Variants in PDE3B observed in about 807,000 individuals in gnomAD.
PDE3B encodes the protein phosphodiesterase 3B, also known as cGMP-inhibited 3',5'-cyclic phosphodiesterase 3B.
PDE3B carries 66 observed loss-of-function variants against 116.8 expected under a neutral mutation model. The ratio of observed to expected loss-of-function variants is 0.56; its 90% CI spans 0.46 to 0.69. PDE3B has a LOEUF of 0.69. PDE3B is among the 30% of genes least tolerant of loss of function. PDE3B has a pLI of 0.00. For missense variants in PDE3B, 1,384 were observed against 1,368.1 expected (o/e 1.01, Z -0.18); for synonymous variants, 595 against 533.6 (o/e 1.12, Z -1.59).
chr11:14,690,850 T>A (rs1267966245), intron 1 of PDE3B, among the ~76,000 whole-genome samples: 1 of 152,186 alleles, frequency 6.6e-6, no homozygotes, highest in Non-Finnish European at 1.5e-5. Context: ...GTGGAGGTTG[T>A]GTACTTTTTA....
chr11:14,678,292 T>C, intron 1 of PDE3B, among the ~76,000 whole-genome samples: 1 of 152,188 alleles, frequency 6.6e-6, no homozygotes, highest in Middle Eastern at 3.2e-3. Context: ...GGAATAGAAC[T>C]GCTGTAAACA....
At chr11:14,880,621 T>C in the PDE3B span, 4 of 1,608,446 alleles carry the variant, frequency 2.5e-6, no homozygotes, top group East Asian at 8.9e-5. Flanking sequence ...TCTACCTTTG[T>C]ATGTTTCAAT....
chr11:14,847,902 C>G (rs1847647286), intron 12 of PDE3B, among the ~76,000 whole-genome samples: 1 of 152,060 alleles, frequency 6.6e-6, no homozygotes, highest in Non-Finnish European at 1.5e-5. Context: ...CGAATTCTAC[C>G]AGAGGTACAA....
chr11:14,799,700 T>A (rs1341657254), intron 4 of PDE3B, among the ~76,000 whole-genome samples: 1 of 152,096 alleles, frequency 6.6e-6, no homozygotes, highest in East Asian at 1.9e-4. Context: ...CTTTGTCTCT[T>A]TTAATCTTTG....
At chr11:14,886,759 T>G in the PDE3B span, 13 of 152,408 alleles carry the variant, frequency 8.5e-5, no homozygotes, top group East Asian at 2.5e-3. Flanking sequence ...GCCAAAATAC[T>G]GAGACAAGCC....
chr11:14,687,940 T>C (rs1448611398), intron 1 of PDE3B, among the ~76,000 whole-genome samples: 1 of 152,182 alleles, frequency 6.6e-6, no homozygotes, highest in Non-Finnish European at 1.5e-5. Context: ...TTTCATTATA[T>C]AGATTCAGAA....
rs1555008863 is a variant in PDE3B at position 14,870,378 on chromosome 11, T to A, written c.*718T>A. On this transcript the variant is annotated 3_prime_UTR_variant, in exon 16 of 16. Transcript: ENST00000282096. The surrounding 1 kb of genome is among the most constrained non-coding windows in gnomAD (Gnocchi z 4.1). ...CAGAAGTTTGAATTCCAGTCTTATC[T>A]TATGTTCCATGGCTGAATTTTAAAG... 1.3e-5 allele frequency: 2 copies of A among 152,662 alleles called. No individual in the cohort carries two copies. Among genetic ancestry groups the A allele is most frequent in the East Asian group, 3.8e-4 (2 of 5,202 alleles). The allele number at this position is 152,662 out of a possible 1,614,324, so 9.5% of individuals were successfully genotyped here.
At chr11:14,692,520 T>C (rs1008080533) in intron 1 of PDE3B, among the ~76,000 whole-genome samples, 3 of 152,204 alleles carry the variant, frequency 2.0e-5, no homozygotes, top group African/African-American at 7.2e-5. Context: ...ATGCTCACTT[T>C]GTATCTTCGT....
chr11:14,756,245 T>C (rs973807504), intron 1 of PDE3B, among the ~76,000 whole-genome samples: 2 of 152,176 alleles, frequency 1.3e-5, no homozygotes, highest in African/African-American at 4.8e-5. Flanking sequence ...AGATATATTA[T>C]AATCTAGTTG....
At chr11:14,861,476 C>T in intron 14 of PDE3B, 110 bp downstream of exon 14, 3 of 957,376 alleles carry the variant, frequency 3.1e-6, no homozygotes, top group Non-Finnish European at 4.8e-6. Flanking sequence ...GTTGCTTTGA[C>T]TGGGAAGGGT....
intron 1 of PDE3B, among the ~76,000 whole-genome samples, chr11:14,650,201 G>GTT (rs59519371): frequency 3.7e-4 from 49 of 130,864 alleles, no homozygotes; most frequent in African/African-American, 3.9e-4. Flanking sequence ...ATTCAGCAAT[G>GTT]TTTTTTTTTT....
intron 12 of PDE3B, among the ~76,000 whole-genome samples, chr11:14,854,474 A>G (rs1847811699): frequency 6.6e-6 from 1 of 152,168 alleles, no homozygotes; most frequent in Admixed American, 6.5e-5. Context: ...AGACTCCACA[A>G]TAAAACATAC....
intron 1 of PDE3B, among the ~76,000 whole-genome samples, chr11:14,661,610 T>A (rs978109708): frequency 2.6e-5 from 4 of 152,178 alleles, no homozygotes; most frequent in African/African-American, 9.7e-5. Context: ...ACCCTAATAC[T>A]GCGCTTTTCC....
chr11:14,688,160 CCT>C (rs10676187), intron 1 of PDE3B, among the ~76,000 whole-genome samples: 4 of 125,918 alleles, frequency 3.2e-5, no homozygotes, highest in South Asian at 2.7e-4. Flanking sequence ...TCCCTCCATC[CCT>C]CTCTCTCTCT....
intron 1 of PDE3B, among the ~76,000 whole-genome samples, chr11:14,685,708 G>C (rs539294605): frequency 2.0e-5 from 3 of 151,898 alleles, no homozygotes; most frequent in African/African-American, 7.2e-5. Context: ...CACGCGCCTT[G>C]ACCTCCCAAA....
chr11:14,742,755 G>T (rs1856806487), intron 1 of PDE3B, among the ~76,000 whole-genome samples: 1 of 152,078 alleles, frequency 6.6e-6, no homozygotes, highest in Non-Finnish European at 1.5e-5. Context: ...GTGACCTCTG[G>T]ATGGGGTCTT....
At chr11:14,802,517 C>G (rs1037692773) in intron 4 of PDE3B, among the ~76,000 whole-genome samples, 1 of 152,180 alleles carries the variant, frequency 6.6e-6, no homozygotes, top group African/African-American at 2.4e-5. Flanking sequence ...AACTGGGTAC[C>G]TCAGTTGGAA....
chr11:14,721,416 A>G lies in PDE3B; in HGVS notation c.979-50521A>G, dbSNP rs375088526. ...AAATACCATTTGACCCAGCCATCCC[A>G]TTACTGGGTATATACCCAAAGGACT... On this transcript the variant is annotated intron_variant, in intron 1 of 15. Coordinates refer to ENST00000282096, the MANE Select transcript of PDE3B (RefSeq NM_000922.4). 2.7e-4 allele frequency among the ~76,000 whole-genome samples: 41 copies of G among 150,892 alleles called. 1 individual carries two copies. In the South Asian group the frequency reaches 6.3e-3, roughly 23 times the overall value.
chr11:14,699,409 CTTTT>C, intron 1 of PDE3B: 1 of 151,838 alleles, frequency 6.6e-6, no homozygotes, highest in African/African-American at 2.4e-5. Context: ...AACATTATTA[CTTTT>C]TTATATAAGA....
Sources: gnomAD v4.1 joint callset for allele counts (sites outside exome capture counted in the v4.1 genomes callset) on GRCh38, gnomAD v4.1.1 for gene constraint, Gnocchi (gnomAD v3.1) non-coding constraint, MANE v1.5 for transcripts, NCBI Gene and HGNC (gene_info 2026-07-23, HGNC 2026-07-21) for gene names.